CGGBP1: variants seen among roughly 807,000 people sequenced by gnomAD.
CGGBP1 encodes CGG triplet repeat binding protein 1, also known as CGG triplet repeat-binding protein 1.
A neutral mutation model predicts 11.4 loss-of-function variants in CGGBP1; 4 were observed. The ratio of observed to expected loss-of-function variants is 0.35; its 90% CI spans 0.17 to 0.80. The LOEUF is 0.80. Among genes scored for constraint, CGGBP1 ranks in the 30% least tolerant of loss-of-function variants. CGGBP1 has a pLI of 0.52. For synonymous variants in CGGBP1, 76 were observed against 74.1 expected, an observed-to-expected ratio of 1.03 and a Z score of -0.13; for missense variants, 135 against 202.1, an observed-to-expected ratio of 0.67 and a Z score of 2.01.
chr3:88,067,832 G>A (rs1267123647), intron 2 of CGGBP1, among the ~76,000 whole-genome samples: 1 of 151,868 alleles, frequency 6.6e-6, no homozygotes, highest in African/African-American at 2.4e-5. Flanking sequence ...GAGAAGGAAA[G>A]ATATGGTGGT....
intron 2 of CGGBP1, among the ~76,000 whole-genome samples, chr3:88,112,840 A>G (rs13083119): frequency 1.3e-5 from 2 of 152,006 alleles, no homozygotes; most frequent in East Asian, 3.8e-4. Flanking sequence ...ATGCCATTAA[A>G]TTGTATTGCA....
intron 2 of CGGBP1, among the ~76,000 whole-genome samples, chr3:88,099,495 C>T (rs963320980): frequency 2.0e-5 from 3 of 152,106 alleles, no homozygotes; most frequent in African/African-American, 7.2e-5. Context: ...TCATACGGAA[C>T]CAAAAAAGAG....
intron 3 of CGGBP1, chr3:88,056,816 G>GT (rs1559678699): frequency 6.6e-6 from 1 of 152,082 alleles, no homozygotes; most frequent in African/African-American, 2.4e-5. Flanking sequence ...GAAAAAGTAC[G>GT]TATCTTCAAT....
At chr3:88,093,561 C>A (rs1165035959) in intron 2 of CGGBP1, among the ~76,000 whole-genome samples, 1 of 151,996 alleles carries the variant, frequency 6.6e-6, no homozygotes, top group Non-Finnish European at 1.5e-5. Context: ...AGAGAAAAGA[C>A]CAAAGGGTCT....
intron 1 of CGGBP1, among the ~76,000 whole-genome samples, chr3:88,147,535 T>C (rs1707332630): frequency 6.6e-6 from 1 of 151,834 alleles, no homozygotes; most frequent in South Asian, 2.1e-4. Flanking sequence ...GTCCATATAA[T>C]GGTCTACAAG....
rs1236490927 is a variant in CGGBP1 at position 88,055,666 on chromosome 3, A to G, written c.311T>C (p.Ile104Thr). ...STAQTEKVSVIQDFVKMCLEA... is the reference protein window; with the variant it reads ...STAQTEKVSVTQDFVKMCLEA... ...CAGGCACATTTTCACAAAGTCCTGG[A>G]TAACACTGACTTTCTCTGTTTGCGC... Residue 104 changes from isoleucine to threonine, a missense_variant, in exon 4 of 4, where the codon ATC becomes ACC. Physicochemically the swap from Ile to Thr is moderately conservative, Grantham distance 89. Coordinates refer to ENST00000482016, the MANE Select transcript of CGGBP1 (RefSeq NM_001008390.2). This position sits in a 1 kb window ranked among gnomAD's most constrained non-coding sequence, Gnocchi z 4.2. 1 of 1,614,232 alleles carries G rather than the reference A, an allele frequency of 6.2e-7. No individual in the cohort carries two copies. The highest frequency in any genetic ancestry group is 1.1e-5 in the South Asian group (1 of 91,084).
intron 2 of CGGBP1, among the ~76,000 whole-genome samples, chr3:88,073,554 T>C (rs973987139): frequency 3.3e-5 from 5 of 152,232 alleles, no homozygotes; most frequent in South Asian, 2.1e-4. Flanking sequence ...AGGAATATTA[T>C]GTATACTAAA....
In CGGBP1 at chr3:88,073,817, G is replaced by T. The variant is rs539577323; in HGVS notation, c.-228-15594C>A. Among the ~76,000 whole-genome samples the T allele has an allele frequency of 3.9e-5, 6 of 152,234 alleles. No homozygotes were observed. The East Asian group carries it at 1.2e-3, about 29-fold the overall frequency. ...TACAATGTACATTTTTATTAATCTT[G>T]AGTATATTTATCCCTATTTAATAAG... On this transcript the variant is annotated intron_variant, in intron 2 of 3. Transcript: ENST00000462901.
At chr3:88,093,514 C>G (rs1246934865) in intron 2 of CGGBP1, among the ~76,000 whole-genome samples, 1 of 152,068 alleles carries the variant, frequency 6.6e-6, no homozygotes, top group Non-Finnish European at 1.5e-5. Flanking sequence ...GGTGTGTGCA[C>G]TGGCAAAGAC....
intron 2 of CGGBP1, among the ~76,000 whole-genome samples, chr3:88,125,490 A>G (rs1706044151): frequency 8.5e-6 from 1 of 117,248 alleles, no homozygotes; most frequent in Non-Finnish European, 1.8e-5. Flanking sequence ...CAACTTAACA[A>G]TACATCTTTA....
exon 1 of CGGBP1, chr3:88,149,809 C>T: frequency 1.9e-6 from 1 of 514,312 alleles, no homozygotes; most frequent in East Asian, 3.6e-5. Context: ...CATATAAACC[C>T]AGCACTTCCC....
rs142802927 is a variant in CGGBP1 at position 88,076,498 on chromosome 3, T to C, written c.-228-18275A>G. On this transcript the variant is annotated intron_variant, in intron 2 of 3. Coordinates refer to the CGGBP1 transcript ENST00000462901. ...TTCCTAAGGAAGTCCCTCTTTTCTT[T>C]TATCTTAATCAGTATGCCCTCCTTT... Among the ~76,000 whole-genome samples, 814 of 152,330 alleles carry C rather than the reference T, an allele frequency of 5.3e-3. 5 individuals are homozygous for C. The highest frequency in any genetic ancestry group is 0.017 in the African/African-American group (699 of 41,578).
At chr3:88,088,596 A>G (rs1315923565) in intron 2 of CGGBP1, among the ~76,000 whole-genome samples, 1 of 152,212 alleles carries the variant, frequency 6.6e-6, no homozygotes. Flanking sequence ...ATGTAAAACA[A>G]AACCAAAGAG....
intron 2 of CGGBP1, among the ~76,000 whole-genome samples, chr3:88,134,772 T>C (rs750353408): frequency 1.3e-3 from 199 of 152,186 alleles, no homozygotes; most frequent in Non-Finnish European, 1.7e-3. Context: ...TATTGGCACA[T>C]TAGGATTAGA....
intron 2 of CGGBP1, among the ~76,000 whole-genome samples, chr3:88,127,489 G>A (rs1218769842): frequency 6.6e-6 from 1 of 151,926 alleles, no homozygotes; most frequent in Non-Finnish European, 1.5e-5. Context: ...TGAGGAGGAA[G>A]AGTTGGATTA....
chr3:88,086,046 C>T (rs1371754908), intron 2 of CGGBP1, among the ~76,000 whole-genome samples: 1 of 152,052 alleles, frequency 6.6e-6, no homozygotes, highest in African/African-American at 2.4e-5. Flanking sequence ...GACATTCATA[C>T]ACTATATTTT....
Position 88,055,966 on chromosome 3 carries a change from A to T in CGGBP1, c.11T>A (p.Phe4Tyr). Reference protein sequence around the residue: MERFVVTAPPARNR... With the variant: MERYVVTAPPARNR... Reference sequence around the variant, plus strand: ...TCGAGCAGGTGGTGCTGTTACTACAAATCGCTCCATTCTGACTCTAAATAA... The same window carrying T: ...TCGAGCAGGTGGTGCTGTTACTACATATCGCTCCATTCTGACTCTAAATAA... Residue 4 changes from phenylalanine (F) to tyrosine (Y), a missense_variant, in exon 4 of 4, where the codon TTT becomes TAT. Phe to Tyr is a conservative substitution (Grantham distance 22). Coordinates refer to ENST00000482016, the MANE Select transcript of CGGBP1 (RefSeq NM_001008390.2). The surrounding 1 kb of genome is among the most constrained non-coding windows in gnomAD (Gnocchi z 4.2). 1 of 1,609,290 alleles carries T rather than the reference A, an allele frequency of 6.2e-7. No individual in the cohort carries two copies. The highest frequency in any genetic ancestry group is 8.5e-7 in the Non-Finnish European group (1 of 1,176,914).
chr3:88,071,366 C>T (rs182518359), intron 2 of CGGBP1, among the ~76,000 whole-genome samples: 36 of 152,126 alleles, frequency 2.4e-4, no homozygotes, highest in Admixed American at 1.8e-3. Context: ...AAAAATTGGC[C>T]GGGTGCAGTG....
chr3:88,065,948 T>C (rs1307357878), intron 2 of CGGBP1, among the ~76,000 whole-genome samples: 1 of 152,170 alleles, frequency 6.6e-6, no homozygotes, highest in African/African-American at 2.4e-5. Flanking sequence ...ATCTGCAGGC[T>C]GGTCTTAACT....
Sources: allele counts gnomAD v4.1 joint callset (sites outside exome capture counted in the v4.1 genomes callset), GRCh38; gene constraint gnomAD v4.1.1; non-coding constraint Gnocchi (gnomAD v3.1); transcripts MANE v1.5; gene names NCBI Gene and HGNC (gene_info 2026-07-23, HGNC 2026-07-21).